Variants in NCAM2 observed in about 807,000 individuals in gnomAD.
The protein encoded by NCAM2 is N-CAM-2.
NCAM2 carries 30 observed loss-of-function variants against 98.1 expected under a neutral mutation model. The ratio of observed to expected loss-of-function variants is 0.31; its 90% CI spans 0.23 to 0.41. NCAM2 has a LOEUF of 0.41. Among genes scored for constraint, NCAM2 ranks in the 10% least tolerant of loss-of-function variants. NCAM2 has a pLI of 1.00. For missense variants in NCAM2, 867 were observed against 1,005.8 expected, an observed-to-expected ratio of 0.86 and a Z score of 1.87; for synonymous variants, 368 against 342.4, an observed-to-expected ratio of 1.07 and a Z score of -0.83.
At chr21:21,516,263 G>A (rs1047644316) in intron 16 of NCAM2, among the ~76,000 whole-genome samples, 1 of 152,088 alleles carries the variant, frequency 6.6e-6, no homozygotes, top group African/African-American at 2.4e-5. Flanking sequence ...AAAAATCCTT[G>A]CACAGGCATT....
At chr21:21,161,236 A>G (rs563552904) in intron 1 of NCAM2, among the ~76,000 whole-genome samples, 3 of 152,186 alleles carry the variant, frequency 2.0e-5, no homozygotes, top group African/African-American at 7.2e-5. Context: ...AGGGAAACCA[A>G]TGATTATAGA....
At chr21:21,136,971 T>C (rs953387689) in intron 1 of NCAM2, among the ~76,000 whole-genome samples, 1 of 152,018 alleles carries the variant, frequency 6.6e-6, no homozygotes, top group African/African-American at 2.4e-5. Flanking sequence ...CAAGAGTTAA[T>C]ACTGGCGAGT....
At chr21:21,446,127 AATGC>A (rs940979552) in intron 12 of NCAM2, among the ~76,000 whole-genome samples, 4 of 152,026 alleles carry the variant, frequency 2.6e-5, no homozygotes, top group African/African-American at 9.7e-5. Context: ...CTGCATTGAA[AATGC>A]TTTTCTTTAA....
At chr21:21,410,488 A>G in intron 10 of NCAM2, 27 bp downstream of exon 10, 1 of 1,295,566 alleles carries the variant, frequency 7.7e-7, no homozygotes. Flanking sequence ...ACATCAATAA[A>G]TTGTATTATT....
At chr21:21,524,125 A>G (rs1481467364) in intron 16 of NCAM2, among the ~76,000 whole-genome samples, 1 of 152,106 alleles carries the variant, frequency 6.6e-6, no homozygotes, top group Non-Finnish European at 1.5e-5. Flanking sequence ...GCTAACATGA[A>G]TCAAATGAAA....
chr21:21,207,357 T>G (rs897013473), intron 1 of NCAM2, among the ~76,000 whole-genome samples: 1 of 152,154 alleles, frequency 6.6e-6, no homozygotes, highest in South Asian at 2.1e-4. Context: ...GCTCTGTATA[T>G]CTGCACAATT....
chr21:21,134,735 T>C (rs1485559508), intron 1 of NCAM2, among the ~76,000 whole-genome samples: 1 of 146,876 alleles, frequency 6.8e-6, no homozygotes, highest in East Asian at 2.0e-4. Context: ...TCCTGAGTTA[T>C]GGTCTCACTC....
intron 11 of NCAM2, among the ~76,000 whole-genome samples, chr21:21,431,444 T>C (rs1054706044): frequency 5.3e-5 from 8 of 151,998 alleles, no homozygotes; most frequent in African/African-American, 1.9e-4. Context: ...ATAATTTAAG[T>C]AGTGGATGGA....
chr21:21,519,911 A>C (rs2146385323), intron 16 of NCAM2, among the ~76,000 whole-genome samples: 1 of 152,202 alleles, frequency 6.6e-6, no homozygotes, highest in South Asian at 2.1e-4. Flanking sequence ...TGCATTAATT[A>C]CACCTAAAGC....
chr21:21,102,240 A>G (rs1296812391), intron 1 of NCAM2, among the ~76,000 whole-genome samples: 1 of 152,050 alleles, frequency 6.6e-6, no homozygotes, highest in African/African-American at 2.4e-5. Context: ...GCTTATGTAG[A>G]TTGTGAATCA....
chr21:21,504,624 T>C (rs759130152), intron 15 of NCAM2, among the ~76,000 whole-genome samples: 30 of 151,716 alleles, frequency 2.0e-4, no homozygotes, highest in Non-Finnish European at 3.5e-4. Context: ...GAGAAAATAA[T>C]TAAAATACTT....
At chr21:21,062,656 A>T (rs2065347212) in intron 1 of NCAM2, among the ~76,000 whole-genome samples, 1 of 152,224 alleles carries the variant, frequency 6.6e-6, no homozygotes. Context: ...TTGTAATGGC[A>T]GTCCTAGCAA....
intron 1 of NCAM2, among the ~76,000 whole-genome samples, chr21:21,271,298 A>G (rs1207651469): frequency 6.6e-6 from 1 of 152,218 alleles, no homozygotes; most frequent in Non-Finnish European, 1.5e-5. Context: ...TTATAGACTA[A>G]GATTAATAAG....
chr21:21,050,110 C>A (rs1206204617), intron 1 of NCAM2, among the ~76,000 whole-genome samples: 2 of 150,056 alleles, frequency 1.3e-5, no homozygotes, highest in East Asian at 2.0e-4. Flanking sequence ...ATGTTTTTTT[C>A]ATTTCACATT....
intron 10 of NCAM2, among the ~76,000 whole-genome samples, chr21:21,410,781 G>T (rs899042478): frequency 4.6e-5 from 7 of 151,026 alleles, no homozygotes; most frequent in Admixed American, 1.3e-4. Context: ...GGCTGAGGAG[G>T]GCAGATCACA....
chr21:21,089,460 C>A (rs1468884263), intron 1 of NCAM2, among the ~76,000 whole-genome samples: 2 of 152,062 alleles, frequency 1.3e-5, no homozygotes, highest in East Asian at 1.9e-4. Flanking sequence ...TTTTAAAAAA[C>A]CACACTTTTT....
intron 16 of NCAM2, among the ~76,000 whole-genome samples, chr21:21,532,531 TG>T (rs1273985703): frequency 1.3e-5 from 2 of 152,180 alleles, no homozygotes; most frequent in Admixed American, 1.3e-4. Flanking sequence ...GATATTTGTT[TG>T]CATATTAATT....
chr21:21,463,402 C>T (rs1251390994), intron 12 of NCAM2, among the ~76,000 whole-genome samples: 1 of 152,028 alleles, frequency 6.6e-6, no homozygotes, highest in Non-Finnish European at 1.5e-5. Context: ...CCTGCATTCA[C>T]GAATCAAAAA....
At chr21:21,280,510 A>G in intron 1 of NCAM2, 68 bp from the exon 2 acceptor site, 2 of 1,067,630 alleles carry the variant, frequency 1.9e-6, no homozygotes, top group South Asian at 1.4e-5. Flanking sequence ...TGGTTTAGAC[A>G]TCATGCATTA....
Sources: allele counts gnomAD v4.1 joint callset (sites outside exome capture counted in the v4.1 genomes callset), GRCh38; gene constraint gnomAD v4.1.1; transcripts MANE v1.5; gene names NCBI Gene and HGNC (gene_info 2026-07-23, HGNC 2026-07-21).